LYRM1: variants seen among roughly 807,000 people sequenced by gnomAD.
LYRM1 encodes the protein LYR motif-containing protein 1.
LYRM1 carries 14 observed loss-of-function variants against 14.9 expected under a neutral mutation model. The ratio of observed to expected loss-of-function variants is 0.94; its 90% CI spans 0.62 to 1.47. The LOEUF (loss-of-function observed/expected upper bound fraction) is 1.47, where lower values mean the gene tolerates loss of function less well. Ranked by LOEUF, LYRM1 falls within the 40% of genes most tolerant of loss-of-function variation. The pLI is 0.00. For missense variants in LYRM1, 153 were observed against 149.9 expected, an observed-to-expected ratio of 1.02 and a Z score of -0.11; for synonymous variants, 43 against 56.2, an observed-to-expected ratio of 0.77 and a Z score of 1.05.
At chr16:20,906,178 A>G (rs2082311162) in intron 1 of LYRM1, among the ~76,000 whole-genome samples, 1 of 152,192 alleles carries the variant, frequency 6.6e-6, no homozygotes, top group East Asian at 1.9e-4. Flanking sequence ...TGACAGGGGT[A>G]TGCCAGAGGT....
rs1723409084 is a variant in LYRM1 at position 20,915,651 on chromosome 16, C to A, written c.96C>A (p.Asp32Glu). The A allele has an allele frequency of 6.2e-7, 1 of 1,613,994 alleles. No individual in the cohort carries two copies. The highest frequency in any genetic ancestry group is 1.3e-5 in the African/African-American group (1 of 74,910). ...KWQATSGQME[D>E]TIKEKQYILN... ...AGGCGACATCAGGGCAGATGGAAGA[C>A]ACCATCAAAGAAAAACAGTACATAC... Residue 32 changes from aspartate to glutamate, a missense_variant, in exon 2 of 4, where the codon GAC (aspartate) becomes GAA (glutamate). Coordinates refer to ENST00000567954, the MANE Select transcript of LYRM1 (RefSeq NM_001128302.3).
intron 1 of LYRM1, among the ~76,000 whole-genome samples, chr16:20,913,232 G>T (rs1457723086): frequency 6.6e-6 from 1 of 151,636 alleles, no homozygotes; most frequent in Non-Finnish European, 1.5e-5. Flanking sequence ...GGGGTACAGT[G>T]GGGGTTTCTA....
chr16:20,904,249 G>A (rs1282638837), intron 1 of LYRM1, among the ~76,000 whole-genome samples: 1 of 152,240 alleles, frequency 6.6e-6, no homozygotes. Context: ...CTTGGTTACA[G>A]TAGCCTGATT....
At chr16:20,923,185 C>A (rs781476706) in intron 3 of LYRM1, among the ~76,000 whole-genome samples, 1 of 152,064 alleles carries the variant, frequency 6.6e-6, no homozygotes, top group Non-Finnish European at 1.5e-5. Flanking sequence ...GCACCCATTG[C>A]CAATCAGATT....
At chr16:20,904,559 G>A (rs919221727) in intron 1 of LYRM1, among the ~76,000 whole-genome samples, 4 of 152,028 alleles carry the variant, frequency 2.6e-5, no homozygotes, top group Non-Finnish European at 4.4e-5. Context: ...AAATAGCTGC[G>A]GTATGATTAA....
chr16:20,904,964 G>A (rs3815019), intron 1 of LYRM1, among the ~76,000 whole-genome samples: 10,737 of 152,202 alleles, frequency 0.071, 512 homozygotes, highest in East Asian at 0.21. Context: ...AGAAGTATGC[G>A]CTGTGGTCTG....
intron 1 of LYRM1, among the ~76,000 whole-genome samples, chr16:20,914,477 A>AT (rs1253402616): frequency 1.0e-5 from 1 of 99,336 alleles, no homozygotes; most frequent in African/African-American, 4.1e-5. Flanking sequence ...TTTTTTTTGT[A>AT]TTTTAGTAGA....
intron 3 of LYRM1, among the ~76,000 whole-genome samples, chr16:20,922,199 A>C (rs969437729): frequency 3.9e-5 from 6 of 152,140 alleles, no homozygotes; most frequent in Admixed American, 3.9e-4. Context: ...CATGTTGGCC[A>C]GGCTGGTCTC....
chr16:20,917,526 G>C (rs1217767450), intron 2 of LYRM1, among the ~76,000 whole-genome samples: 2 of 152,176 alleles, frequency 1.3e-5, no homozygotes, highest in African/African-American at 4.8e-5. Context: ...TTGGGAGGCT[G>C]AGGCTGGTGG....
rs2083355914 is a variant in LYRM1, at chr16:20,924,319, G to C, written c.*203G>C. On this transcript the variant is annotated 3_prime_UTR_variant, in exon 4 of 4. Transcript: ENST00000567954. ...TCCTGAGTGGATGGCATTATCCCTA[G>C]AGGTCATGGACCTTACATCCTCACT... 2.0e-6 allele frequency: 1 copy of C among 505,092 alleles called. No individual in the cohort carries two copies. Among genetic ancestry groups the C allele is most frequent in the Admixed American group, 3.6e-5 (1 of 27,696 alleles). The allele number at this position is 505,092 out of a possible 1,614,324, so 31.3% of individuals were successfully genotyped here.
chr16:20,923,791 C>T (rs1372735018), intron 3 of LYRM1, among the ~76,000 whole-genome samples: 5 of 152,148 alleles, frequency 3.3e-5, no homozygotes, highest in Non-Finnish European at 7.3e-5. Flanking sequence ...AGTTTTTTAA[C>T]TTCTCTGAGG....
chr16:20,902,817 C>T (rs1044881597), intron 1 of LYRM1: 7 of 152,224 alleles, frequency 4.6e-5, no homozygotes, highest in African/African-American at 1.7e-4. Context: ...GTCTTCCTGG[C>T]TCCTGGTACA....
intron 1 of LYRM1, among the ~76,000 whole-genome samples, chr16:20,914,539 C>T (rs1266536986): frequency 6.6e-6 from 1 of 150,782 alleles, no homozygotes; most frequent in Non-Finnish European, 1.5e-5. Context: ...CGAGGTCAAG[C>T]AATCCACTTG....
chr16:20,904,736 A>G (rs2082239810), intron 1 of LYRM1, among the ~76,000 whole-genome samples: 1 of 100,280 alleles, frequency 1.0e-5, no homozygotes, highest in African/African-American at 3.4e-5. Context: ...TTTAATTGAT[A>G]GGAGGATATG....
intron 2 of LYRM1, among the ~76,000 whole-genome samples, chr16:20,918,973 C>G (rs983408568): frequency 2.0e-5 from 3 of 152,176 alleles, no homozygotes; most frequent in African/African-American, 7.2e-5. Flanking sequence ...GCCACATGGA[C>G]CCAGACTTTG....
chr16:20,919,696 T>G (rs1239088090), intron 2 of LYRM1, among the ~76,000 whole-genome samples: 2 of 152,170 alleles, frequency 1.3e-5, no homozygotes, highest in Non-Finnish European at 2.9e-5. Flanking sequence ...AGATAGAATA[T>G]AGAAGGAACC....
intron 3 of LYRM1, chr16:20,921,942 A>G (rs1238186303): frequency 6.6e-6 from 1 of 151,570 alleles, no homozygotes; most frequent in Admixed American, 6.6e-5. Flanking sequence ...TATACTGCGT[A>G]CTTATTTTAC....
intron 1 of LYRM1, among the ~76,000 whole-genome samples, chr16:20,909,973 C>A (rs1204081937): frequency 6.6e-6 from 1 of 152,160 alleles, no homozygotes; most frequent in African/African-American, 2.4e-5. Flanking sequence ...GAGTGCTATA[C>A]AAACAAGAAT....
At chr16:20,905,769 C>T (rs554348064) in intron 1 of LYRM1, among the ~76,000 whole-genome samples, 20 of 152,312 alleles carry the variant, frequency 1.3e-4, no homozygotes, top group African/African-American at 2.4e-4. Context: ...GTGTCTCTTA[C>T]GCTGTTCTGG....
Sources: gnomAD v4.1 joint callset for allele counts (sites outside exome capture counted in the v4.1 genomes callset) on GRCh38, gnomAD v4.1.1 for gene constraint, MANE v1.5 for transcripts, NCBI Gene and HGNC (gene_info 2026-07-23, HGNC 2026-07-21) for gene names.